The following MAMDC4 variants were observed in gnomAD, a reference collection of about 807,000 sequenced individuals.
MAMDC4 encodes apical endosomal glycoprotein.
In MAMDC4, 168 loss-of-function variants were observed where a neutral mutation model predicts 153.3. That is an observed-to-expected ratio of 1.10 (90% CI 0.97 to 1.25). MAMDC4 has a LOEUF of 1.25. Ranked by LOEUF, MAMDC4 falls within the 50% of genes most tolerant of loss-of-function variation. The probability of loss-of-function intolerance (pLI) is 0.00; values close to 1 mark genes in which losing one functional copy is unlikely to be tolerated. For missense variants in MAMDC4, 1,701 were observed against 1,542.8 expected, an observed-to-expected ratio of 1.10 and a Z score of -1.72; for synonymous variants, 744 against 651.5, an observed-to-expected ratio of 1.14 and a Z score of -2.16.
rs774549536 is a variant in MAMDC4, at chr9:136,858,886, A to G, written c.2956+33A>G. The G allele has an allele frequency of 8.2e-6, 13 of 1,590,822 alleles. No individual in the cohort carries two copies. The African/African-American group carries it at 1.6e-4, about 20-fold the overall frequency. On this transcript the variant is annotated intron_variant, in intron 23 of 26. Coordinates refer to ENST00000317446, the MANE Select transcript of MAMDC4 (RefSeq NM_206920.3). ...CGGCTGGGCCAATGGGTGCCTGGGC[A>G]ACGGGGGCAGCAGGGGTCCAGGAGC...
rs2131238537 is a variant in MAMDC4 at position 136,858,234 on chromosome 9, C to T, written c.2632C>T (p.Leu878=). 2 of 1,601,548 alleles carry T rather than the reference C, an allele frequency of 1.2e-6. No homozygotes were observed. The highest frequency in any genetic ancestry group is 1.7e-6 in the Non-Finnish European group (2 of 1,178,380). ...AGGCGTGGCACACTCCTACGTGGCT[C>T]TGGATGATCTGCTCCTCCAGGACGG... The part of the protein sequence containing the change: ...AAGVAHSYVA[L]DDLLLQDGPC... Residue 878 remains leucine (L), a synonymous_variant, in exon 21 of 27, where the codon CTG becomes TTG. Coordinates refer to ENST00000317446, the MANE Select transcript of MAMDC4 (RefSeq NM_206920.3).
chr9:136,858,576 GCACA>G lies in MAMDC4; in HGVS notation c.2821+35_2821+38del, dbSNP rs922825376. The G allele has an allele frequency of 2.4e-5, 38 of 1,563,412 alleles. 1 individual carries two copies. The highest frequency in any genetic ancestry group is 3.0e-5 in the Non-Finnish European group (35 of 1,155,052). On this transcript the variant is annotated intron_variant, in intron 22 of 26. Transcript: ENST00000317446. ...GTGCCCACTGGAGCCAGGTGGGGAGGCACACACAGCCACCTGGCCTCCTGCTGCC... is the reference window on the plus strand; with the variant it reads ...GTGCCCACTGGAGCCAGGTGGGGAGGCACAGCCACCTGGCCTCCTGCTGCC...
intron 19 of MAMDC4, 68 bp downstream of exon 19, chr9:136,857,864 G>A: frequency 6.4e-7 from 1 of 1,552,680 alleles, no homozygotes; most frequent in Non-Finnish European, 8.7e-7. Context: ...CACCAGCCTT[G>A]TGCTGAGGCC....
chr9:136,855,170 C>G, intron 10 of MAMDC4, 60 bp downstream of exon 10: 1 of 1,570,536 alleles, frequency 6.4e-7, no homozygotes. Context: ...GGAGGGGAAC[C>G]CACAAGGTAC....
Position 136,860,636 on chromosome 9 carries a change from G to A in MAMDC4, c.*33G>A, listed in dbSNP as rs574706279. On this transcript the variant is annotated 3_prime_UTR_variant, in exon 27 of 27. Transcript: ENST00000317446. Reference sequence around the variant, plus strand: ...CAGACAAGGCCCCGCTTCCTCACGTGACATCCAGCACTTGGTCAGACCCTA... The same window carrying A: ...CAGACAAGGCCCCGCTTCCTCACGTAACATCCAGCACTTGGTCAGACCCTA... The A allele has an allele frequency of 1.9e-6, 3 of 1,612,656 alleles. No individual in the cohort carries two copies. The South Asian group carries it at 3.3e-5, about 18-fold the overall frequency.
rs142062081 is a variant in MAMDC4 at position 136,854,350 on chromosome 9, G to A, written c.796+14G>A. ...CACTCACCTGTGGTGAGGCCGGAGTGGGGGCCCAGAGTGAGGCTGGGAGAC... is the reference window on the plus strand; with the variant it reads ...CACTCACCTGTGGTGAGGCCGGAGTAGGGGCCCAGAGTGAGGCTGGGAGAC... On this transcript the variant is annotated intron_variant, in intron 7 of 26. Coordinates refer to ENST00000317446, the MANE Select transcript of MAMDC4 (RefSeq NM_206920.3). 4 of 1,536,472 alleles carry A rather than the reference G, an allele frequency of 2.6e-6. No individual in the cohort carries two copies. Among genetic ancestry groups the A allele is most frequent in the East Asian group, 2.3e-5 (1 of 42,846 alleles).
At chr9:136,856,684 G>T in intron 14 of MAMDC4, 26 bp from the exon 15 acceptor site, 1 of 1,607,868 alleles carries the variant, frequency 6.2e-7, no homozygotes, top group Non-Finnish European at 8.5e-7. Context: ...GAGAAGGTGT[G>T]TGACGCCACC....
chr9:136,855,027 G>A lies in MAMDC4; in HGVS notation c.1114G>A (p.Val372Ile), dbSNP rs150028152. 1,907 of 1,606,124 alleles carry A rather than the reference G, an allele frequency of 1.2e-3. 23 individuals carry two copies. The African/African-American group carries it at 0.022, about 19-fold the overall frequency. Residue 372 changes from valine (V) to isoleucine (I), a missense_variant, in exon 10 of 27, where the codon GTC becomes ATC. Physicochemically the swap from Val to Ile is conservative, Grantham distance 29. Transcript: ENST00000317446. ...TLGPGAPRAPVLLRRRRGELG... is the reference protein window; with the variant it reads ...TLGPGAPRAPILLRRRRGELG... ...GGGGCCCGGCGCCCCCCGGGCCCCC[G>A]TCCTGCTGCGGAGGCGCCGAGGGGA...
rs1849013659 is a variant in MAMDC4 at position 136,856,904 on chromosome 9, C to A, written c.1838-3C>A. ...CTGCAGCACAGCCCCATGCCCCCTG[C>A]AGGCCACTTTGTGCTCCTGGACCCC... On this transcript the variant is annotated splice_region_variant and splice_polypyrimidine_tract_variant and intron_variant, in intron 15 of 26. Transcript: ENST00000317446. 3 of 1,609,324 alleles carry A rather than the reference C, an allele frequency of 1.9e-6. No homozygotes were observed. Among genetic ancestry groups the A allele is most frequent in the African/African-American group, 1.3e-5 (1 of 74,868 alleles).
chr9:136,856,078 C>T lies in MAMDC4; in HGVS notation c.1649C>T (p.Thr550Ile), dbSNP rs1206550831. 3 of 1,612,488 alleles carry T rather than the reference C, an allele frequency of 1.9e-6. No homozygotes were observed. The Admixed American group carries it at 5.0e-5, about 27-fold the overall frequency. The change falls in exon 14 of 27, where the codon ACA (threonine) becomes ATA (isoleucine). Residue 550 changes from threonine to isoleucine, a missense_variant. Physicochemically the swap from Thr to Ile is moderately conservative, Grantham distance 89. Transcript: ENST00000317446. The stretch of plus-strand genomic sequence containing the variant: ...CTAGGCGCTGAGGCCCGGGTCCTCA[C>T]ACCCCTCCTTGGCCCTTCTGGCCCC... ...GQLGAEARVL[T>I]PLLGPSGPSC...
At position 136,853,610 on chromosome 9, in the gene MAMDC4, A is replaced by C. The variant is rs748588620; in HGVS notation, c.394A>C (p.Thr132Pro). 2 of 1,601,532 alleles carry C rather than the reference A, an allele frequency of 1.2e-6. No homozygotes were observed. The highest frequency in any genetic ancestry group is 2.2e-5 in the South Asian group (2 of 90,782). Residue 132 changes from threonine (T) to proline (P), a missense_variant, in exon 4 of 27, where the codon ACC (threonine) becomes CCC (proline). Thr to Pro is a conservative substitution (Grantham distance 38, BLOSUM62 -1). Transcript: ENST00000317446. ...ATCCACCGCAGCCCTGCGCTCGCCA[A>C]CCCTGCGAGAGGCAGCCTCCTCTTG... ...EASTAALRSP[T>P]LREAASSCKL...
Position 136,856,794 on chromosome 9 carries a change from G to A in MAMDC4, c.1805G>A (p.Arg602His), listed in dbSNP as rs370030169. Reference protein sequence around the residue: ...SDTHWRWVESRGPDHDHTTGQ... With the variant: ...SDTHWRWVESHGPDHDHTTGQ... ...ACACACTGGCGCTGGGTGGAGAGCCGCGGCCCTGACCACGACCACACCACA... is the reference window on the plus strand; with the variant it reads ...ACACACTGGCGCTGGGTGGAGAGCCACGGCCCTGACCACGACCACACCACA... Residue 602 changes from arginine to histidine, a missense_variant, in exon 15 of 27, where the codon CGC becomes CAC. Physicochemically the swap from Arg to His is conservative, Grantham distance 29. Coordinates refer to ENST00000317446, the MANE Select transcript of MAMDC4 (RefSeq NM_206920.3). 7.1e-5 allele frequency: 114 copies of A among 1,611,326 alleles called. No homozygotes were observed. Among genetic ancestry groups the A allele is most frequent in the Non-Finnish European group, 9.2e-5 (108 of 1,179,352 alleles).
In MAMDC4 at chr9:136,853,854, C is replaced by T; in HGVS notation, c.532C>T (p.Pro178Ser). 6.2e-7 allele frequency: 1 copy of T among 1,612,544 alleles called. No homozygotes were observed. The highest frequency in any genetic ancestry group is 1.1e-5 in the South Asian group (1 of 91,070). ...GTGGCAGAGCACAGGGCCCTGGGGC[C>T]CTGGCTGGCAGGAGTTGGCAGTGAC... is the stretch of plus-strand genomic sequence containing the variant. ...TLWQSTGPWGPGWQELAVTTG... is the reference protein window; with the variant it reads ...TLWQSTGPWGSGWQELAVTTG... The change falls in exon 5 of 27, where the codon CCT becomes TCT. Residue 178 changes from proline (P) to serine (S), a missense_variant. Physicochemically the swap from Pro to Ser is moderately conservative, Grantham distance 74. Transcript: ENST00000317446.
In MAMDC4 at chr9:136,860,685, G is replaced by A. The variant is rs377755013; in HGVS notation, c.*82G>A. 1.3e-4 allele frequency: 194 copies of A among 1,492,860 alleles called. No homozygotes were observed. Among genetic ancestry groups the A allele is most frequent in the Admixed American group, 2.0e-4 (12 of 58,768 alleles). 92.5% of individuals were successfully genotyped at this position (1,492,860 alleles called of 1,614,324 possible). A position where few individuals can be genotyped will look rare whatever the true frequency, so the allele number is the denominator to read the frequency against. ...TAGCCAGGGACCGGACACCTGCCCC[G>A]CCCAGGCTGGGACAGGCTGCAGGTC... is the stretch of plus-strand genomic sequence containing the variant. On this transcript the variant is annotated 3_prime_UTR_variant, in exon 27 of 27. Coordinates refer to ENST00000317446, the MANE Select transcript of MAMDC4 (RefSeq NM_206920.3).
chr9:136,854,339 G>A lies in MAMDC4; in HGVS notation c.796+3G>A, dbSNP rs1358727270. 3.9e-6 allele frequency: 6 copies of A among 1,555,222 alleles called. No individual in the cohort carries two copies. Among genetic ancestry groups the A allele is most frequent in the East Asian group, 4.6e-5 (2 of 43,436 alleles). Reference sequence around the variant, plus strand: ...TGATGAGAACCCACTCACCTGTGGTGAGGCCGGAGTGGGGGCCCAGAGTGA... The same window carrying A: ...TGATGAGAACCCACTCACCTGTGGTAAGGCCGGAGTGGGGGCCCAGAGTGA... On this transcript the variant is annotated splice_donor_region_variant and intron_variant, in intron 7 of 26. Coordinates refer to ENST00000317446, the MANE Select transcript of MAMDC4 (RefSeq NM_206920.3).
At position 136,854,793 on chromosome 9, in the gene MAMDC4, C is replaced by T; in HGVS notation, c.966C>T (p.Gly322=). ...TCCTGGTCTCCGTGGCCGAGCCTGG[C>T]ACCCCTGCTATACTCTCCAGCCCCG... The part of the protein sequence containing the change: ...GSFLVSVAEP[G]TPAILSSPEF... Residue 322 remains glycine, a synonymous_variant, in exon 9 of 27, where the codon GGC becomes GGT. Transcript: ENST00000317446. 1 of 1,612,836 alleles carries T rather than the reference C, an allele frequency of 6.2e-7. No homozygotes were observed. The highest frequency in any genetic ancestry group is 2.2e-5 in the East Asian group (1 of 44,880).
rs1015481360 is a variant in MAMDC4, at chr9:136,856,058, C to T, written c.1629C>T (p.Gly543=). 13 of 1,612,252 alleles carry T rather than the reference C, an allele frequency of 8.1e-6. No individual in the cohort carries two copies. The highest frequency in any genetic ancestry group is 6.7e-5 in the East Asian group (3 of 44,880). Residue 543 remains glycine (G), a synonymous_variant, in exon 14 of 27, where the codon GGC becomes GGT. Coordinates refer to ENST00000317446, the MANE Select transcript of MAMDC4 (RefSeq NM_206920.3). Reference sequence around the variant, plus strand: ...TGCAGCGGGCCTGGGGGCAGCTAGGCGCTGAGGCCCGGGTCCTCACACCCC... The same window carrying T: ...TGCAGCGGGCCTGGGGGCAGCTAGGTGCTGAGGCCCGGGTCCTCACACCCC... ...LSLQRAWGQL[G]AEARVLTPLL...
At position 136,855,286 on chromosome 9, in the gene MAMDC4, C is replaced by T. The variant is rs763653963; in HGVS notation, c.1230C>T (p.Gly410=). Residue 410 remains glycine (G), a synonymous_variant, in exon 11 of 27, where the codon GGC becomes GGT. Coordinates refer to ENST00000317446, the MANE Select transcript of MAMDC4 (RefSeq NM_206920.3). ...ILLAGQTGPG[G]VVGLDDLILS... ...TGGCCGGGCAGACAGGCCCGGGGGG[C>T]GTCGTGGGTCTGGACGACCTCATCC... The T allele has an allele frequency of 5.0e-6, 8 of 1,603,590 alleles. No homozygotes were observed. Among genetic ancestry groups the T allele is most frequent in the Non-Finnish European group, 5.1e-6 (6 of 1,175,032 alleles).
intron 1 of MAMDC4, 136 bp downstream of exon 1, chr9:136,852,598 GC>G: frequency 8.7e-7 from 1 of 1,153,962 alleles, no homozygotes; most frequent in Non-Finnish European, 1.3e-6. Context: ...TACTACCTTG[GC>G]CGGCCTGCAA....
Sources: gnomAD v4.1 joint callset for allele counts on GRCh38, gnomAD v4.1.1 for gene constraint, MANE v1.5 for transcripts, NCBI Gene and HGNC (gene_info 2026-07-23, HGNC 2026-07-21) for gene names.